The following TASP1 variants were observed in gnomAD, a reference collection of about 807,000 sequenced individuals.
TASP1 encodes taspase 1.
TASP1 carries 16 observed loss-of-function variants against 56.6 expected under a neutral mutation model. The observed-to-expected ratio is 0.28, with a 90% confidence interval of 0.19 to 0.43. The LOEUF (loss-of-function observed/expected upper bound fraction) is 0.43, where lower values mean the gene tolerates loss of function less well. Ranked by LOEUF, TASP1 falls within the 20% of genes least tolerant of loss-of-function variation. The pLI is 1.00. For synonymous variants in TASP1, 179 were observed against 184.2 expected (o/e 0.97, Z 0.23); for missense variants, 393 against 511.6 (o/e 0.77, Z 2.24).
the TASP1 span, among the ~76,000 whole-genome samples, chr20:13,159,098 C>T: frequency 6.6e-6 from 1 of 152,206 alleles, no homozygotes; most frequent in African/African-American, 2.4e-5. Flanking sequence ...CTGACCTTGG[C>T]TCTCAGCACA....
At chr20:13,403,237 G>T (rs1057069301) in intron 13 of TASP1, among the ~76,000 whole-genome samples, 1 of 151,898 alleles carries the variant, frequency 6.6e-6, no homozygotes, top group South Asian at 2.1e-4. Flanking sequence ...ACATTAACTT[G>T]CAAGTTAGAG....
chr20:13,634,392 T>A (rs971472876), intron 1 of TASP1, among the ~76,000 whole-genome samples: 1 of 152,100 alleles, frequency 6.6e-6, no homozygotes, highest in Non-Finnish European at 1.5e-5. Flanking sequence ...GGTAGGGTGA[T>A]GGAGAGGGAC....
the TASP1 span, among the ~76,000 whole-genome samples, chr20:13,253,450 C>T: frequency 6.6e-6 from 1 of 152,180 alleles, no homozygotes; most frequent in South Asian, 2.1e-4. Context: ...TTTGAGAGCG[C>T]TGTGTTTCCT....
At chr20:13,249,237 T>C in the TASP1 span, among the ~76,000 whole-genome samples, 3 of 152,174 alleles carry the variant, frequency 2.0e-5, no homozygotes, top group Non-Finnish European at 4.4e-5. Flanking sequence ...TGAAAGGTAC[T>C]GAAAACAGGC....
At position 13,605,084 on chromosome 20, in the gene TASP1, A is replaced by G. The variant is rs74460748; in HGVS notation, c.283-17714T>C. Among the ~76,000 whole-genome samples the G allele has an allele frequency of 1.5e-3, 226 of 151,562 alleles. 1 individual carries two copies. In the East Asian group the frequency reaches 0.015, roughly 10 times the overall value. On this transcript the variant is annotated intron_variant, in intron 4 of 13. Coordinates refer to ENST00000337743, the MANE Select transcript of TASP1 (RefSeq NM_017714.3). ...ACGTGAGTTAAAGAAGCCAGTCACA[A>G]AAGATCACAAGTTCTATAATTCTAT...
chr20:13,121,553 G>C, the TASP1 span, among the ~76,000 whole-genome samples: 1 of 152,118 alleles, frequency 6.6e-6, no homozygotes, highest in East Asian at 1.9e-4. Context: ...CTTCCAAATG[G>C]ACGTGGAAAC....
chr20:13,602,973 G>A (rs1420039363), intron 4 of TASP1, among the ~76,000 whole-genome samples: 1 of 152,116 alleles, frequency 6.6e-6, no homozygotes, highest in Non-Finnish European at 1.5e-5. Context: ...GCTCATGTCT[G>A]TAATCCCAAC....
chr20:13,321,357 T>A, the TASP1 span, among the ~76,000 whole-genome samples: 996 of 150,964 alleles, frequency 6.6e-3, 12 homozygotes, highest in African/African-American at 0.023. Context: ...TGAATACTGA[T>A]GACAATTGTC....
chr20:13,506,171 TATATAATCTACCAAC>T (rs958942122), intron 10 of TASP1, among the ~76,000 whole-genome samples: 1 of 152,010 alleles, frequency 6.6e-6, no homozygotes, highest in Non-Finnish European at 1.5e-5. Context: ...TTCCTAGAAA[TATATAATCTACCAAC>T]ATTGAATCAT....
chr20:13,241,068 G>A, the TASP1 span, among the ~76,000 whole-genome samples: 4 of 152,246 alleles, frequency 2.6e-5, no homozygotes, highest in Non-Finnish European at 5.9e-5. Flanking sequence ...AATGCCTTAA[G>A]GAGAGAGGAC....
At chr20:13,562,672 T>G in intron 7 of TASP1, among the ~76,000 whole-genome samples, 1 of 151,412 alleles carries the variant, frequency 6.6e-6, no homozygotes, top group Middle Eastern at 3.2e-3. Context: ...AATACAGGAG[T>G]TCGAGACCAG....
the TASP1 span, among the ~76,000 whole-genome samples, chr20:13,349,649 C>T: frequency 1.3e-5 from 2 of 152,228 alleles, no homozygotes; most frequent in East Asian, 3.9e-4. Flanking sequence ...TTACCAAAAT[C>T]CTGATATTAG....
At chr20:13,470,908 C>T (rs1187949010) in intron 11 of TASP1, among the ~76,000 whole-genome samples, 1 of 152,156 alleles carries the variant, frequency 6.6e-6, no homozygotes, top group Non-Finnish European at 1.5e-5. Flanking sequence ...CATTGCAATC[C>T]TTTCAGTTAT....
At chr20:13,237,987 G>A in the TASP1 span, 2 of 152,126 alleles carry the variant, frequency 1.3e-5, no homozygotes, top group Non-Finnish European at 2.9e-5. Context: ...AGAGTGACCA[G>A]CAAATTTACT....
chr20:13,170,769 A>G, the TASP1 span, among the ~76,000 whole-genome samples: 2 of 152,172 alleles, frequency 1.3e-5, no homozygotes, highest in African/African-American at 2.4e-5. Flanking sequence ...TCTGGCTCCA[A>G]TCATCACATC....
chr20:13,362,002 C>G, the TASP1 span, among the ~76,000 whole-genome samples: 27 of 150,262 alleles, frequency 1.8e-4, no homozygotes, highest in Middle Eastern at 3.4e-3. Context: ...CATCACCAAT[C>G]ATTCTATACC....
chr20:13,330,957 G>T, the TASP1 span, among the ~76,000 whole-genome samples: 1 of 151,900 alleles, frequency 6.6e-6, no homozygotes, highest in Non-Finnish European at 1.5e-5. Flanking sequence ...ACCAGCTTTT[G>T]GTTTAATGGA....
chr20:13,514,627 T>C (rs555020307), intron 10 of TASP1, among the ~76,000 whole-genome samples: 8 of 152,268 alleles, frequency 5.3e-5, no homozygotes, highest in African/African-American at 1.9e-4. Context: ...AGACCTAAAA[T>C]ACCATTGTAG....
At chr20:13,298,542 T>C in the TASP1 span, among the ~76,000 whole-genome samples, 3 of 152,288 alleles carry the variant, frequency 2.0e-5, no homozygotes, top group Admixed American at 2.0e-4. Flanking sequence ...AATTTAGGGG[T>C]GACATTATAT....
Sources: allele counts gnomAD v4.1 joint callset (sites outside exome capture counted in the v4.1 genomes callset), GRCh38; gene constraint gnomAD v4.1.1; transcripts MANE v1.5; gene names NCBI Gene and HGNC (gene_info 2026-07-23, HGNC 2026-07-21).